LRRTM4: variants seen among roughly 807,000 people sequenced by gnomAD.
LRRTM4 encodes leucine-rich repeat transmembrane neuronal protein 4.
A neutral mutation model predicts 47.6 loss-of-function variants in LRRTM4; 25 were observed. That is an observed-to-expected ratio of 0.53 (90% CI 0.38 to 0.73). LRRTM4 has a LOEUF of 0.73. Ranked by LOEUF, LRRTM4 falls within the 30% of genes least tolerant of loss-of-function variation. The pLI is 0.00. For synonymous variants in LRRTM4, 311 were observed against 269.5 expected, an observed-to-expected ratio of 1.15 and a Z score of -1.51; for missense variants, 638 against 713.4, an observed-to-expected ratio of 0.89 and a Z score of 1.20.
At chr2:76,943,592 C>T (rs1041886327) in intron 3 of LRRTM4, among the ~76,000 whole-genome samples, 1 of 152,168 alleles carries the variant, frequency 6.6e-6, no homozygotes, top group African/African-American at 2.4e-5. Context: ...TTTTTCCTCT[C>T]TCCATGACAA....
intron 3 of LRRTM4, among the ~76,000 whole-genome samples, chr2:77,255,192 T>A (rs1335683737): frequency 6.6e-6 from 1 of 151,986 alleles, no homozygotes; most frequent in East Asian, 1.9e-4. Context: ...AGTCATTACA[T>A]AGCGATAAAA....
At chr2:76,826,498 G>A (rs1162211002) in intron 3 of LRRTM4, among the ~76,000 whole-genome samples, 1 of 150,730 alleles carries the variant, frequency 6.6e-6, no homozygotes, top group Non-Finnish European at 1.5e-5. Context: ...GAAAGTAGGA[G>A]AATCAATTGT....
At chr2:77,380,694 G>A (rs891611529) in intron 3 of LRRTM4, among the ~76,000 whole-genome samples, 2 of 151,798 alleles carry the variant, frequency 1.3e-5, no homozygotes, top group Non-Finnish European at 2.9e-5. Flanking sequence ...TACTAGGGAG[G>A]CTAAGGCAGG....
chr2:77,017,736 G>T (rs1213192373), intron 3 of LRRTM4, among the ~76,000 whole-genome samples: 1 of 150,872 alleles, frequency 6.6e-6, no homozygotes, highest in Non-Finnish European at 1.5e-5. Flanking sequence ...AATAGAAGAG[G>T]AGAATAAAAA....
At chr2:76,908,016 C>G (rs1433695554) in intron 3 of LRRTM4, among the ~76,000 whole-genome samples, 1 of 151,854 alleles carries the variant, frequency 6.6e-6, no homozygotes, top group Non-Finnish European at 1.5e-5. Context: ...ATCCTGATAC[C>G]AAAGCTGGGC....
chr2:76,970,224 G>A (rs977910225), intron 3 of LRRTM4, among the ~76,000 whole-genome samples: 1 of 151,956 alleles, frequency 6.6e-6, no homozygotes, highest in Non-Finnish European at 1.5e-5. Flanking sequence ...AAAACGGATA[G>A]AATATTTAAA....
rs1434689556 is a variant in LRRTM4, at chr2:77,519,006, T to C, written c.863A>G (p.Lys288Arg). Reference sequence around the variant, plus strand: ...AGTTTCCTGTGAGATATTGGTGAGCTTGTTGGAATCCAAATTCAATTTTTG... The same window carrying C: ...AGTTTCCTGTGAGATATTGGTGAGCCTGTTGGAATCCAAATTCAATTTTTG... The part of the protein sequence containing the change: ...NLQKLNLDSN[K>R]LTNISQETVN... Residue 288 changes from lysine to arginine, a missense_variant, in exon 3 of 4, where the codon AAG (lysine) becomes AGG (arginine). Lys to Arg is a conservative substitution (Grantham distance 26, BLOSUM62 2). Transcript: ENST00000409884. This position sits in a 1 kb window ranked among gnomAD's most constrained non-coding sequence, Gnocchi z 4.6. 1 of 1,611,870 alleles carries C rather than the reference T, an allele frequency of 6.2e-7. No homozygotes were observed. Among genetic ancestry groups the C allele is most frequent in the Admixed American group, 1.7e-5 (1 of 59,690 alleles).
intron 3 of LRRTM4, among the ~76,000 whole-genome samples, chr2:77,309,954 G>C (rs1353849967): frequency 6.6e-6 from 1 of 151,946 alleles, no homozygotes; most frequent in African/African-American, 2.4e-5. Flanking sequence ...ATTGTCTGTG[G>C]CTGCTTTTAC....
intron 3 of LRRTM4, among the ~76,000 whole-genome samples, chr2:77,067,761 A>G (rs1017109583): frequency 6.6e-6 from 1 of 151,838 alleles, no homozygotes; most frequent in Non-Finnish European, 1.5e-5. Flanking sequence ...TCACAGGAGC[A>G]ACAACAATCC....
At chr2:77,360,950 A>T (rs1444584792) in intron 3 of LRRTM4, among the ~76,000 whole-genome samples, 1 of 152,000 alleles carries the variant, frequency 6.6e-6, no homozygotes, top group Non-Finnish European at 1.5e-5. Flanking sequence ...TTGTTTACAT[A>T]CCCACCATTT....
At chr2:77,001,465 T>C (rs942782648) in intron 3 of LRRTM4, among the ~76,000 whole-genome samples, 1 of 152,154 alleles carries the variant, frequency 6.6e-6, no homozygotes, top group Non-Finnish European at 1.5e-5. Flanking sequence ...AGTATGTGCA[T>C]GTGCTAGGAG....
chr2:77,420,821 A>C (rs147097075), intron 3 of LRRTM4, among the ~76,000 whole-genome samples: 1,839 of 145,920 alleles, frequency 0.013, 48 homozygotes, highest in African/African-American at 0.043. Context: ...ATAATATATT[A>C]CCCTTAAGAC....
At chr2:77,320,380 CAATGGT>C (rs1392554783) in intron 3 of LRRTM4, among the ~76,000 whole-genome samples, 1 of 152,216 alleles carries the variant, frequency 6.6e-6, no homozygotes, top group Non-Finnish European at 1.5e-5. Flanking sequence ...ACCTAATAGA[CAATGGT>C]AATGGAAGGA....
intron 3 of LRRTM4, among the ~76,000 whole-genome samples, chr2:76,904,336 G>A (rs1351336344): frequency 6.6e-6 from 1 of 152,196 alleles, no homozygotes; most frequent in African/African-American, 2.4e-5. Flanking sequence ...CACCAGATTT[G>A]ATTCAGAGAT....
intron 3 of LRRTM4, among the ~76,000 whole-genome samples, chr2:77,044,950 G>T (rs1033385645): frequency 6.6e-6 from 1 of 151,648 alleles, no homozygotes; most frequent in Non-Finnish European, 1.5e-5. Flanking sequence ...TGTGTATGTG[G>T]CACAAATGAG....
chr2:76,997,114 T>C (rs1677230413), intron 3 of LRRTM4, among the ~76,000 whole-genome samples: 1 of 152,142 alleles, frequency 6.6e-6, no homozygotes, highest in Non-Finnish European at 1.5e-5. Flanking sequence ...GTCAGTAAAA[T>C]TTTAATTAAC....
At chr2:77,480,816 GTGTGTGGAGAGA>G (rs1391735920) in intron 3 of LRRTM4, among the ~76,000 whole-genome samples, 4 of 124,470 alleles carry the variant, frequency 3.2e-5, no homozygotes, top group South Asian at 3.2e-4. Flanking sequence ...GTGTGTGTGT[GTGTGTGGAGAGA>G]GAGAGAGAGA....
intron 3 of LRRTM4, among the ~76,000 whole-genome samples, chr2:77,268,085 T>G (rs1573170928): frequency 1.3e-5 from 2 of 152,298 alleles, no homozygotes; most frequent in East Asian, 3.9e-4. Context: ...CCTTAGATAA[T>G]CTGATCTATA....
At chr2:76,897,976 T>A (rs1034374709) in intron 3 of LRRTM4, among the ~76,000 whole-genome samples, 1 of 152,180 alleles carries the variant, frequency 6.6e-6, no homozygotes, top group African/African-American at 2.4e-5. Flanking sequence ...TAATTTAATC[T>A]TTTTATGTTT....
Sources: allele counts gnomAD v4.1 joint callset (sites outside exome capture counted in the v4.1 genomes callset), GRCh38; gene constraint gnomAD v4.1.1; non-coding constraint Gnocchi (gnomAD v3.1); transcripts MANE v1.5; gene names NCBI Gene and HGNC (gene_info 2026-07-23, HGNC 2026-07-21).